IFT56: variants seen among roughly 807,000 people sequenced by gnomAD.
IFT56 encodes the protein intraflagellar transport protein 56.
the IFT56 span, chr7:139,190,304 G>C: frequency 6.6e-6 from 1 of 152,308 alleles, no homozygotes. Flanking sequence ...GGAGTACAGT[G>C]GTGCGATCTC....
At chr7:139,135,436 T>C in the IFT56 span, among the ~76,000 whole-genome samples, 1 of 152,218 alleles carries the variant, frequency 6.6e-6, no homozygotes, top group Non-Finnish European at 1.5e-5. Flanking sequence ...GACCAATGTA[T>C]GATTTTTTCC....
At chr7:139,146,590 A>G in the IFT56 span, among the ~76,000 whole-genome samples, 1 of 152,008 alleles carries the variant, frequency 6.6e-6, no homozygotes, top group African/African-American at 2.4e-5. Flanking sequence ...ACATGGTGAA[A>G]CCCCATCTCT....
At chr7:139,172,403 G>A in the IFT56 span, 1 of 348,732 alleles carries the variant, frequency 2.9e-6, no homozygotes, top group South Asian at 2.4e-5. Context: ...CCGCCAGGTG[G>A]GCATTGTATT....
At chr7:139,173,225 CTTTTTTTT>C in the IFT56 span, 1 of 295,530 alleles carries the variant, frequency 3.4e-6, no homozygotes. Flanking sequence ...ACAAAGTCAC[CTTTTTTTT>C]TTTTTTTTTT....
chr7:139,147,884 C>T, the IFT56 span, among the ~76,000 whole-genome samples: 3 of 152,178 alleles, frequency 2.0e-5, no homozygotes, highest in African/African-American at 7.2e-5. Flanking sequence ...CCATTTCCAG[C>T]CATCAAGCCT....
chr7:139,177,630 GTA>G, the IFT56 span, among the ~76,000 whole-genome samples: 10 of 150,790 alleles, frequency 6.6e-5, no homozygotes, highest in Non-Finnish European at 1.2e-4. Context: ...GTGTGTGTGT[GTA>G]TATATATCTC....
the IFT56 span, among the ~76,000 whole-genome samples, chr7:139,157,139 C>CTTTTTTTTTTTTTTTTT: frequency 1.2e-5 from 1 of 82,090 alleles, no homozygotes; most frequent in Non-Finnish European, 2.5e-5. Flanking sequence ...TCTTTAATTT[C>CTTTTTTTTTTTTTTTTT]TTTTTTTTTT....
the IFT56 span, among the ~76,000 whole-genome samples, chr7:139,157,415 G>A: frequency 3.9e-4 from 59 of 151,438 alleles, no homozygotes; most frequent in African/African-American, 1.4e-3. Flanking sequence ...CCAAAGTGCT[G>A]GGATTACAGG....
the IFT56 span, among the ~76,000 whole-genome samples, chr7:139,153,692 C>T: frequency 6.6e-6 from 1 of 152,084 alleles, no homozygotes; most frequent in Non-Finnish European, 1.5e-5. Context: ...AATAATATTT[C>T]GTTTTATGAA....
At chr7:139,176,906 G>T in the IFT56 span, among the ~76,000 whole-genome samples, 1 of 152,080 alleles carries the variant, frequency 6.6e-6, no homozygotes, top group Non-Finnish European at 1.5e-5. Context: ...AGGTGCGGTG[G>T]TTCACACCTG....
chr7:139,149,119 C>T, the IFT56 span, among the ~76,000 whole-genome samples: 1 of 151,756 alleles, frequency 6.6e-6, no homozygotes, highest in African/African-American at 2.4e-5. Flanking sequence ...TCCTGGCTAA[C>T]ACAGTGAAAC....
chr7:139,158,313 CAA>C, the IFT56 span, among the ~76,000 whole-genome samples: 1 of 115,432 alleles, frequency 8.7e-6, no homozygotes, highest in African/African-American at 4.3e-5. Context: ...GACGCCATCT[CAA>C]AAAAAAAAAA....
the IFT56 span, chr7:139,147,127 C>T: frequency 1.2e-6 from 2 of 1,610,564 alleles, no homozygotes; most frequent in Admixed American, 1.7e-5. Flanking sequence ...CATGTCTTTT[C>T]CACTCTCACA....
the IFT56 span, chr7:139,147,357 A>T: frequency 7.3e-7 from 1 of 1,367,244 alleles, no homozygotes; most frequent in Non-Finnish European, 1.0e-6. Flanking sequence ...AACTAGTTTG[A>T]GAATCTAGTG....
chr7:139,175,866 G>A, the IFT56 span, among the ~76,000 whole-genome samples: 1 of 152,032 alleles, frequency 6.6e-6, no homozygotes, highest in African/African-American at 2.4e-5. Flanking sequence ...GTCTTGCTCT[G>A]TTGCCCAGGC....
chr7:139,175,937 C>A, the IFT56 span, among the ~76,000 whole-genome samples: 1 of 152,136 alleles, frequency 6.6e-6, no homozygotes, highest in Non-Finnish European at 1.5e-5. Flanking sequence ...TCAAGCAATT[C>A]TCCTGCCTCG....
At chr7:139,169,407 T>C in the IFT56 span, 2 of 1,513,868 alleles carry the variant, frequency 1.3e-6, no homozygotes, top group Middle Eastern at 1.7e-4. Flanking sequence ...GGGGCATATA[T>C]TGACCGTGAA....
the IFT56 span, chr7:139,147,202 G>T: frequency 6.2e-7 from 1 of 1,613,596 alleles, no homozygotes; most frequent in Non-Finnish European, 8.5e-7. Context: ...TGTCACAGAA[G>T]ATCAACTCAG....
chr7:139,147,073 C>T, the IFT56 span: 3 of 1,595,128 alleles, frequency 1.9e-6, no homozygotes, highest in Non-Finnish European at 1.7e-6. Context: ...AAATCTCTAT[C>T]ACATAGATAT....
Sources: gnomAD v4.1 joint callset for allele counts (sites outside exome capture counted in the v4.1 genomes callset) on GRCh38, gnomAD v4.1.1 for gene constraint, MANE v1.5 for transcripts, NCBI Gene and HGNC (gene_info 2026-07-23, HGNC 2026-07-21) for gene names.